USH2A: variants seen among roughly 807,000 people sequenced by gnomAD.
The protein encoded by USH2A is usherin.
USH2A carries 443 observed loss-of-function variants against 538.9 expected under a neutral mutation model. The observed-to-expected ratio is 0.82, with a 90% CI of 0.76 to 0.89. USH2A has a LOEUF of 0.89. Ranked by LOEUF, USH2A falls within the 40% of genes least tolerant of loss-of-function variation. USH2A has a pLI of 0.00. For synonymous variants in USH2A, 2,413 were observed against 2,273.5 expected, an observed-to-expected ratio of 1.06 and a Z score of -1.75; for missense variants, 6,633 against 6,324.8, an observed-to-expected ratio of 1.05 and a Z score of -1.65.
chr1:216,316,752 T>C (rs1229318618), intron 9 of USH2A, among the ~76,000 whole-genome samples: 2 of 152,228 alleles, frequency 1.3e-5, no homozygotes, highest in Non-Finnish European at 2.9e-5. Flanking sequence ...ATGCTGAGCT[T>C]TTTTTCATAC....
intron 18 of USH2A, among the ~76,000 whole-genome samples, chr1:216,197,407 C>T (rs1229480399): frequency 6.6e-6 from 1 of 152,088 alleles, no homozygotes; most frequent in Non-Finnish European, 1.5e-5. Flanking sequence ...TGCAGTTTCA[C>T]CCATTACTTT....
intron 71 of USH2A, among the ~76,000 whole-genome samples, chr1:215,627,090 C>T (rs1329166769): frequency 6.6e-6 from 1 of 152,112 alleles, no homozygotes; most frequent in South Asian, 2.1e-4. Flanking sequence ...TCATTCTGAA[C>T]AGGCCAGAAG....
chr1:215,856,877 GTA>G (rs1345804600), intron 44 of USH2A, among the ~76,000 whole-genome samples: 2 of 143,134 alleles, frequency 1.4e-5, no homozygotes, highest in East Asian at 4.2e-4. Flanking sequence ...GTGTGTGTGT[GTA>G]TCAGCCATTC....
At position 216,327,640 on chromosome 1, in the gene USH2A, C is replaced by A. The variant is rs1240261228; in HGVS notation, c.799G>T (p.Val267Phe). 4 of 1,613,160 alleles carry A rather than the reference C, an allele frequency of 2.5e-6. No individual in the cohort carries two copies. Among genetic ancestry groups the A allele is most frequent in the Admixed American group, 3.3e-5 (2 of 59,934 alleles). ...GQSLNGLEQF[V>F]GRMQDFRLYQ... ...AATCGAAAATCTTGCATTCTTCCGA[C>A]AAACTGCTCTAAACCTGCAAATACA... Residue 267 changes from valine (V) to phenylalanine (F), a missense_variant, in exon 5 of 72, where the codon GTC (valine) becomes TTC (phenylalanine). By Grantham distance (50) the Val-to-Phe change is conservative. Coordinates refer to ENST00000307340, the MANE Select transcript of USH2A (RefSeq NM_206933.4).
At position 215,993,074 on chromosome 1, in the gene USH2A, A is replaced by T. The variant is rs750302027; in HGVS notation, c.6751T>A (p.Ser2251Thr). The T allele has an allele frequency of 1.2e-5, 20 of 1,614,082 alleles. No homozygotes were observed. Among genetic ancestry groups the T allele is most frequent in the Non-Finnish European group, 1.6e-5 (19 of 1,179,972 alleles). The change falls in exon 35 of 72, where the codon TCA becomes ACA. Residue 2251 changes from serine (S) to threonine (T), a missense_variant. Physicochemically the swap from Ser to Thr is moderately conservative, Grantham distance 58. Coordinates refer to ENST00000307340, the MANE Select transcript of USH2A (RefSeq NM_206933.4). ...ACATTAAAGGAGTCAGGTGAATATG[A>T]GTGGGCTTTGGGGGCTGGCACGCCT... ...PEGVPAPKAH[S>T]YSPDSFNVSW...
intron 21 of USH2A, among the ~76,000 whole-genome samples, chr1:216,105,448 T>G (rs2102580732): frequency 6.6e-6 from 1 of 152,218 alleles, no homozygotes; most frequent in South Asian, 2.1e-4. Context: ...TCTATCAAAT[T>G]TTAATTGACA....
chr1:215,732,544 C>CTTTTTT (rs141549439), intron 60 of USH2A, among the ~76,000 whole-genome samples: 99 of 73,590 alleles, frequency 1.3e-3, no homozygotes, highest in African/African-American at 1.8e-3. Flanking sequence ...TTTTTTCTTT[C>CTTTTTT]TTTTTTTTTT....
intron 37 of USH2A, among the ~76,000 whole-genome samples, chr1:215,937,213 T>C (rs1666524830): frequency 6.6e-6 from 1 of 152,144 alleles, no homozygotes; most frequent in Non-Finnish European, 1.5e-5. Flanking sequence ...GATAAAGACA[T>C]ATTCATAGCT....
intron 61 of USH2A, among the ~76,000 whole-genome samples, chr1:215,702,867 T>C (rs1256185887): frequency 6.6e-6 from 1 of 151,904 alleles, no homozygotes; most frequent in African/African-American, 2.4e-5. Flanking sequence ...TGGCGAGGAG[T>C]TGTGATCCTT....
At chr1:215,885,082 T>C (rs1310096394) in intron 41 of USH2A, among the ~76,000 whole-genome samples, 2 of 152,180 alleles carry the variant, frequency 1.3e-5, no homozygotes, top group Non-Finnish European at 2.9e-5. Context: ...TTATTTCTTA[T>C]CAATCCTCAA....
At chr1:215,937,750 T>C (rs1666541582) in intron 37 of USH2A, among the ~76,000 whole-genome samples, 1 of 152,180 alleles carries the variant, frequency 6.6e-6, no homozygotes, top group South Asian at 2.1e-4. Context: ...AGATTGAAAT[T>C]TGTAAAGCAA....
chr1:216,060,826 A>C (rs1014042804), intron 30 of USH2A, among the ~76,000 whole-genome samples: 6 of 152,206 alleles, frequency 3.9e-5, no homozygotes, highest in Non-Finnish European at 7.3e-5. Flanking sequence ...ATAATTTCAA[A>C]TCAAATTATG....
Position 215,650,761 on chromosome 1 carries a change from C to T in USH2A, c.14174G>A (p.Trp4725Ter). 4 of 1,613,330 alleles carry T rather than the reference C, an allele frequency of 2.5e-6. No individual in the cohort carries two copies. The highest frequency in any genetic ancestry group is 3.4e-6 in the Non-Finnish European group (4 of 1,179,942). Residue 4725 changes from tryptophan to a stop codon, truncating the protein, a stop_gained, in exon 65 of 72, where the codon TGG (tryptophan) becomes TAG (stop). Transcript: ENST00000307340. LOFTEE classifies it high-confidence loss of function. ...VNSAGKAPSS[W>*]TWCRTGPAPP... Reference sequence around the variant, plus strand: ...GGCTGGCCCGGTTCTGCACCATGTCCAGCTACTGGGGGCTTTTCCTGCAGA... The same window carrying T: ...GGCTGGCCCGGTTCTGCACCATGTCTAGCTACTGGGGGCTTTTCCTGCAGA...
chr1:215,929,602 A>C (rs1666315087), intron 38 of USH2A, among the ~76,000 whole-genome samples: 1 of 152,074 alleles, frequency 6.6e-6, no homozygotes, highest in African/African-American at 2.4e-5. Context: ...AAAGAGTCTT[A>C]GTAGGAAAAT....
chr1:215,686,808 AG>A (rs1043853015), intron 61 of USH2A, among the ~76,000 whole-genome samples: 1 of 152,144 alleles, frequency 6.6e-6, no homozygotes, highest in Non-Finnish European at 1.5e-5. Context: ...TAATAGGAAA[AG>A]TATTTTCTTA....
chr1:215,810,693 C>G (rs1381069993), intron 49 of USH2A, among the ~76,000 whole-genome samples: 1 of 152,072 alleles, frequency 6.6e-6, no homozygotes, highest in Non-Finnish European at 1.5e-5. Flanking sequence ...AGATATGAAT[C>G]ATACATGAAA....
intron 38 of USH2A, among the ~76,000 whole-genome samples, chr1:215,915,870 A>G (rs1294061624): frequency 6.6e-6 from 1 of 152,000 alleles, no homozygotes; most frequent in East Asian, 1.9e-4. Context: ...AAAAAGGATG[A>G]GTTCATGTCC....
chr1:215,862,089 C>T (rs774408674), intron 44 of USH2A, among the ~76,000 whole-genome samples: 42 of 152,194 alleles, frequency 2.8e-4, no homozygotes, highest in South Asian at 1.2e-3. Flanking sequence ...CCGCCCACCT[C>T]GGCCTCCCAA....
intron 13 of USH2A, among the ~76,000 whole-genome samples, chr1:216,237,623 G>A (rs181708139): frequency 6.6e-6 from 1 of 151,900 alleles, no homozygotes; most frequent in East Asian, 1.9e-4. Flanking sequence ...CCCCCAATTA[G>A]ATTAAAATGA....
Sources: gnomAD v4.1 joint callset for allele counts (sites outside exome capture counted in the v4.1 genomes callset) on GRCh38, gnomAD v4.1.1 for gene constraint, MANE v1.5 for transcripts, NCBI Gene and HGNC (gene_info 2026-07-23, HGNC 2026-07-21) for gene names.